Variants in EPC2 observed in about 807,000 individuals in gnomAD.
The protein encoded by EPC2 is enhancer of polycomb 2, also known as enhancer of polycomb homolog 2.
EPC2 carries 14 observed loss-of-function variants against 92.1 expected under a neutral mutation model. The observed-to-expected ratio is 0.15, with a 90% CI of 0.10 to 0.24. The LOEUF (loss-of-function observed/expected upper bound fraction) is 0.24. Ranked by LOEUF, EPC2 falls within the 10% of genes least tolerant of loss-of-function variation. The pLI is 1.00. For missense variants in EPC2, 755 were observed against 971.5 expected, an observed-to-expected ratio of 0.78 and a Z score of 2.96; for synonymous variants, 340 against 334.7, an observed-to-expected ratio of 1.02 and a Z score of -0.17.
intron 5 of EPC2, 124 bp from the exon 6 acceptor site, chr2:148,762,546 A>T: frequency 2.8e-6 from 2 of 704,290 alleles, no homozygotes; most frequent in Non-Finnish European, 4.4e-6. Context: ...TTTATCTTTT[A>T]AAAGTAATTT....
chr2:148,707,980 C>T (rs181517313), intron 2 of EPC2, among the ~76,000 whole-genome samples: 3 of 151,998 alleles, frequency 2.0e-5, no homozygotes, highest in African/African-American at 7.3e-5. Flanking sequence ...TAGCAGAAGG[C>T]AAGAAATAAC....
At chr2:148,743,559 T>C (rs1558826922) in intron 2 of EPC2, 63 bp from the exon 3 acceptor site, 1 of 1,335,038 alleles carries the variant, frequency 7.5e-7, no homozygotes, top group Non-Finnish European at 1.0e-6. Flanking sequence ...CAGTCAAATA[T>C]GATGAACAAT....
rs191810588 is a variant in EPC2, at chr2:148,748,759, C to A, written c.459+4992C>A. 3.9e-5 allele frequency among the ~76,000 whole-genome samples: 6 copies of A among 152,110 alleles called. No individual in the cohort carries two copies. The East Asian group carries it at 1.2e-3, about 29-fold the overall frequency. ...GTTTTGACTGCATTTTGATTGTGAT[C>A]TGTCAAATAACGTCAGGTGTGGAAT... is the stretch of plus-strand genomic sequence containing the variant. On this transcript the variant is annotated intron_variant, in intron 3 of 13. Transcript: ENST00000258484.
intron 2 of EPC2, among the ~76,000 whole-genome samples, chr2:148,738,529 A>G (rs547976091): frequency 1.3e-4 from 20 of 152,312 alleles, no homozygotes; most frequent in South Asian, 6.2e-4. Context: ...CATTCAGTCT[A>G]TTAGAGGGTA....
At chr2:148,725,799 A>G (rs1682483122) in intron 2 of EPC2, among the ~76,000 whole-genome samples, 1 of 151,892 alleles carries the variant, frequency 6.6e-6, no homozygotes, top group South Asian at 2.1e-4. Flanking sequence ...GGTTTTTTTT[A>G]TGCTTTATTG....
chr2:148,672,328 A>G (rs1454972654), intron 1 of EPC2, among the ~76,000 whole-genome samples: 2 of 152,164 alleles, frequency 1.3e-5, no homozygotes, highest in East Asian at 3.9e-4. Flanking sequence ...CTTTCAGGCT[A>G]TGTTTGTCCT....
chr2:148,712,555 T>TG (rs1245921043), intron 2 of EPC2, among the ~76,000 whole-genome samples: 1 of 152,200 alleles, frequency 6.6e-6, no homozygotes, highest in Non-Finnish European at 1.5e-5. Flanking sequence ...GCATTACTGA[T>TG]GCTGGTGTAA....
chr2:148,697,025 A>G (rs1444011416), intron 2 of EPC2, among the ~76,000 whole-genome samples: 1 of 152,222 alleles, frequency 6.6e-6, no homozygotes, highest in African/African-American at 2.4e-5. Flanking sequence ...TGGTTTGCAT[A>G]CATTTTTTGT....
chr2:148,691,562 C>T, intron 2 of EPC2: 2 of 1,550,510 alleles, frequency 1.3e-6, no homozygotes, highest in African/African-American at 1.4e-5. Context: ...TCTTAAATTG[C>T]TGTTGTTCAG....
chr2:148,653,784 A>G (rs1416527729), intron 1 of EPC2, among the ~76,000 whole-genome samples: 1 of 145,426 alleles, frequency 6.9e-6, no homozygotes, highest in Non-Finnish European at 1.5e-5. Context: ...TTTTGCTGCT[A>G]ATTTGGTGAA....
chr2:148,764,046 T>TA (rs1683360629), intron 6 of EPC2, among the ~76,000 whole-genome samples: 1 of 152,220 alleles, frequency 6.6e-6, no homozygotes, highest in Admixed American at 6.5e-5. Context: ...CACTTTAAAA[T>TA]ATGGGAAGTT....
At position 148,749,625 on chromosome 2, in the gene EPC2, G is replaced by C. The variant is rs114057610; in HGVS notation, c.460-4302G>C. Among the ~76,000 whole-genome samples the C allele has an allele frequency of 5.3e-3, 802 of 152,024 alleles. 7 individuals carry two copies. Among genetic ancestry groups the C allele is most frequent in the Middle Eastern group, 0.044 (13 of 294 alleles). On this transcript the variant is annotated intron_variant, in intron 3 of 13. Coordinates refer to ENST00000258484, the MANE Select transcript of EPC2 (RefSeq NM_015630.4). ...CTAGGAACAAGTACATTTTTACATG[G>C]GAGAGGGTGCCTCTTGTATTTTTTA...
chr2:148,705,320 C>T (rs1406770763), intron 2 of EPC2, among the ~76,000 whole-genome samples: 1 of 152,118 alleles, frequency 6.6e-6, no homozygotes, highest in Non-Finnish European at 1.5e-5. Context: ...CTTACTTTCC[C>T]TACTAACAGT....
chr2:148,703,973 C>T (rs947762220), intron 2 of EPC2, among the ~76,000 whole-genome samples: 13 of 152,166 alleles, frequency 8.5e-5, no homozygotes, highest in African/African-American at 3.1e-4. Flanking sequence ...ATGGTGTAGC[C>T]ACTGTGGAAA....
intron 13 of EPC2, among the ~76,000 whole-genome samples, chr2:148,785,638 T>G (rs1335097304): frequency 6.6e-6 from 1 of 152,158 alleles, no homozygotes; most frequent in Non-Finnish European, 1.5e-5. Context: ...GTTTTATAGT[T>G]TAGGCAGTCT....
At chr2:148,783,177 G>A (rs1025168083) in intron 11 of EPC2, among the ~76,000 whole-genome samples, 1 of 152,186 alleles carries the variant, frequency 6.6e-6, no homozygotes, top group African/African-American at 2.4e-5. Flanking sequence ...TGCTTTTTCT[G>A]AGTCTCCTGG....
intron 7 of EPC2, among the ~76,000 whole-genome samples, chr2:148,765,794 T>G (rs1174874496): frequency 6.6e-6 from 1 of 152,162 alleles, no homozygotes; most frequent in African/African-American, 2.4e-5. Context: ...TCCCAGCACT[T>G]TGGGAGGCCG....
intron 2 of EPC2, among the ~76,000 whole-genome samples, chr2:148,732,528 G>A (rs949282662): frequency 1.1e-4 from 16 of 152,014 alleles, no homozygotes; most frequent in African/African-American, 2.9e-4. Flanking sequence ...CTATAGGTGC[G>A]CGCTACTGTG....
chr2:148,711,380 T>G (rs1465903033), intron 2 of EPC2, among the ~76,000 whole-genome samples: 1 of 152,180 alleles, frequency 6.6e-6, no homozygotes, highest in Admixed American at 6.5e-5. Flanking sequence ...ATTCTAAGTA[T>G]TTTGGGATTT....
Sources: gnomAD v4.1 joint callset for allele counts (sites outside exome capture counted in the v4.1 genomes callset) on GRCh38, gnomAD v4.1.1 for gene constraint, MANE v1.5 for transcripts, NCBI Gene and HGNC (gene_info 2026-07-23, HGNC 2026-07-21) for gene names.